The following TOGARAM2 variants were observed in gnomAD, a reference collection of about 807,000 sequenced individuals.
TOGARAM2 encodes TOG array regulator of axonemal microtubules protein 2.
In TOGARAM2, 85 loss-of-function variants were observed where a neutral mutation model predicts 93.3. The ratio of observed to expected loss-of-function variants is 0.91; its 90% CI spans 0.76 to 1.09. TOGARAM2 has a LOEUF of 1.09. TOGARAM2 is among the 50% of genes least tolerant of loss of function. The pLI is 0.00. For synonymous variants in TOGARAM2, 593 were observed against 552.8 expected (o/e 1.07, Z -1.02); for missense variants, 1,277 against 1,334.5 (o/e 0.96, Z 0.67).
At chr2:28,976,074 A>G (rs1038968436) in intron 1 of TOGARAM2, among the ~76,000 whole-genome samples, 2 of 152,352 alleles carry the variant, frequency 1.3e-5, no homozygotes, top group Non-Finnish European at 2.9e-5. Flanking sequence ...TCTTATAAAA[A>G]CATATCAAAT....
intron 19 of TOGARAM2, chr2:29,045,913 A>G (rs1666715492): frequency 9.9e-6 from 2 of 201,486 alleles, no homozygotes; most frequent in African/African-American, 2.4e-5. Flanking sequence ...CTTCTAGCCT[A>G]TAGAGTACCT....
chr2:28,973,440 C>CCCTTTCCTTCCTTCCCTTCCCCT (rs1558394762), intron 1 of TOGARAM2, among the ~76,000 whole-genome samples: 3 of 38,296 alleles, frequency 7.8e-5, no homozygotes, highest in Non-Finnish European at 1.2e-4. Context: ...TCCTTCCCTT[C>CCCTTTCCTTCCTTCCCTTCCCCT]CCCTTCCTTC....
At chr2:28,975,341 A>G (rs949075837) in intron 1 of TOGARAM2, among the ~76,000 whole-genome samples, 11 of 151,772 alleles carry the variant, frequency 7.2e-5, no homozygotes, top group Admixed American at 5.9e-4. Context: ...GGTGCCCGCC[A>G]CCACGCCCGG....
At chr2:29,021,275 T>C (rs1664927457) in intron 10 of TOGARAM2, among the ~76,000 whole-genome samples, 1 of 152,198 alleles carries the variant, frequency 6.6e-6, no homozygotes, top group Non-Finnish European at 1.5e-5. Context: ...CCTCCAGATG[T>C]ACTGTGGTGA....
chr2:28,999,516 A>T, intron 4 of TOGARAM2, 48 bp downstream of exon 4: 2 of 1,524,666 alleles, frequency 1.3e-6, no homozygotes, highest in Non-Finnish European at 1.8e-6. Flanking sequence ...TTCCAGGTCA[A>T]GGGCCGCAGG....
chr2:28,984,028 T>G (rs1474684315), intron 1 of TOGARAM2, among the ~76,000 whole-genome samples: 2 of 152,002 alleles, frequency 1.3e-5, no homozygotes, highest in Admixed American at 1.3e-4. Context: ...TTTTTCTCTC[T>G]GCCCTCCCCA....
In TOGARAM2 at chr2:28,994,767, C is replaced by T; in HGVS notation, c.-68C>T. The T allele has an allele frequency of 6.6e-7, 1 of 1,521,172 alleles. No homozygotes were observed. The highest frequency in any genetic ancestry group is 1.2e-5 in the South Asian group (1 of 83,418). The allele number at this position is 1,521,172 out of a possible 1,614,324, so 94.2% of individuals were successfully genotyped here. ...TCAGAGCCCTCCAGACCCCCAAGGACTGTACTCACTGCCCAGAAATAGCTG... is the reference window on the plus strand; with the variant it reads ...TCAGAGCCCTCCAGACCCCCAAGGATTGTACTCACTGCCCAGAAATAGCTG... On this transcript the variant is annotated 5_prime_UTR_variant, in exon 2 of 20. Transcript: ENST00000379558.
chr2:28,961,087 A>C (rs1276718479), intron 1 of TOGARAM2, among the ~76,000 whole-genome samples: 1 of 152,126 alleles, frequency 6.6e-6, no homozygotes, highest in Non-Finnish European at 1.5e-5. Context: ...AAAACTGAAG[A>C]GAACCAGATT....
At chr2:28,967,403 C>T (rs1671882463) in intron 1 of TOGARAM2, among the ~76,000 whole-genome samples, 1 of 152,044 alleles carries the variant, frequency 6.6e-6, no homozygotes, top group Non-Finnish European at 1.5e-5. Flanking sequence ...TGAGCCCAGG[C>T]ACTTGAGGCT....
chr2:29,018,032 G>A, intron 10 of TOGARAM2, 76 bp downstream of exon 10: 1 of 1,456,500 alleles, frequency 6.9e-7, no homozygotes. Flanking sequence ...CATGGCAGAG[G>A]TGACCTCGGT....
chr2:29,006,584 C>G (rs560736491), intron 6 of TOGARAM2, among the ~76,000 whole-genome samples: 2 of 152,218 alleles, frequency 1.3e-5, no homozygotes, highest in South Asian at 4.1e-4. Flanking sequence ...CCTCCCGTTT[C>G]TTGGGGCCTG....
chr2:29,035,072 C>T (rs1383686792), intron 16 of TOGARAM2, among the ~76,000 whole-genome samples: 1 of 150,784 alleles, frequency 6.6e-6, no homozygotes, highest in Non-Finnish European at 1.5e-5. Flanking sequence ...ATCGTTTGAA[C>T]CCAGGAGGTG....
chr2:28,960,484 C>G (rs776789897), intron 1 of TOGARAM2, among the ~76,000 whole-genome samples: 9 of 152,120 alleles, frequency 5.9e-5, no homozygotes, highest in Non-Finnish European at 1.2e-4. Context: ...GGATCCAATC[C>G]ACACTCACTC....
At chr2:29,028,035 G>A (rs1665519744) in intron 14 of TOGARAM2, among the ~76,000 whole-genome samples, 1 of 152,188 alleles carries the variant, frequency 6.6e-6, no homozygotes, top group South Asian at 2.1e-4. Flanking sequence ...AGTATGAGGA[G>A]GTGTTGGAGG....
At position 29,005,135 on chromosome 2, in the gene TOGARAM2, ATGTGTGTGAGTGCATGTTG is replaced by A. The variant is rs1314559440; in HGVS notation, c.830+1460_830+1478del. On this transcript the variant is annotated intron_variant, in intron 6 of 19. Transcript: ENST00000379558. ...TGTGTATGGGTGTGTGTGCATGTGT[ATGTGTGTGAGTGCATGTTG>A]TGTGTGAGTGCATGTGTAAGGGCAT... 5.1e-3 allele frequency among the ~76,000 whole-genome samples: 606 copies of A among 118,134 alleles called. 15 individuals carry two copies. Among genetic ancestry groups the A allele is most frequent in the African/African-American group, 0.021 (566 of 26,698 alleles). 77.5% of individuals were successfully genotyped at this position (118,134 alleles called of 152,430 possible).
intron 11 of TOGARAM2, 87 bp downstream of exon 11, chr2:29,022,395 C>T (rs2148346415): frequency 7.8e-6 from 12 of 1,535,484 alleles, no homozygotes; most frequent in African/African-American, 1.4e-5. Context: ...CTTCCCTCCT[C>T]TCCCACTCTG....
intron 16 of TOGARAM2, among the ~76,000 whole-genome samples, chr2:29,034,235 C>A (rs13418915): frequency 0.25 from 37,750 of 152,044 alleles, 5,210 homozygotes; most frequent in East Asian, 0.51. Flanking sequence ...GGTATTCATG[C>A]CCCTCCACAT....
In TOGARAM2 at chr2:29,045,421, C is replaced by A; in HGVS notation, c.2722+11C>A. 1 of 1,608,952 alleles carries A rather than the reference C, an allele frequency of 6.2e-7. No homozygotes were observed. The highest frequency in any genetic ancestry group is 1.1e-5 in the South Asian group (1 of 91,002). The stretch of plus-strand genomic sequence containing the variant: ...CAGATCGCCTGGCAGGTGAGCACCC[C>A]CAGCCCCACCCCACCCCATCTCCTG... On this transcript the variant is annotated intron_variant, in intron 19 of 19. Coordinates refer to ENST00000379558, the MANE Select transcript of TOGARAM2 (RefSeq NM_199280.4).
chr2:28,997,311 G>A (rs1231276834), intron 2 of TOGARAM2, among the ~76,000 whole-genome samples: 1 of 152,198 alleles, frequency 6.6e-6, no homozygotes. Context: ...TTAAAGGAGC[G>A]CATGCCTTAG....
Sources: allele counts gnomAD v4.1 joint callset (sites outside exome capture counted in the v4.1 genomes callset), GRCh38; gene constraint gnomAD v4.1.1; transcripts MANE v1.5; gene names NCBI Gene and HGNC (gene_info 2026-07-23, HGNC 2026-07-21).